The following ACBD6 variants were observed in gnomAD, a reference collection of about 807,000 sequenced individuals.
The protein encoded by ACBD6 is acyl-CoA binding domain containing 6, also known as acyl-CoA-binding domain-containing protein 6.
ACBD6 carries 28 observed loss-of-function variants against 37.2 expected under a neutral mutation model. The observed-to-expected ratio is 0.75, with a 90% CI of 0.56 to 1.03. The LOEUF is 1.03. Among genes scored for constraint, ACBD6 ranks in the 50% least tolerant of loss-of-function variants. The pLI is 0.00. For synonymous variants in ACBD6, 113 were observed against 126.8 expected (o/e 0.89, Z 0.73); for missense variants, 340 against 337.4 (o/e 1.01, Z -0.06).
At chr1:180,455,860 A>C (rs1218086561) in intron 3 of ACBD6, among the ~76,000 whole-genome samples, 1 of 152,258 alleles carries the variant, frequency 6.6e-6, no homozygotes, top group Non-Finnish European at 1.5e-5. Context: ...AAATGTATTC[A>C]TAATTAATTC....
intron 3 of ACBD6, among the ~76,000 whole-genome samples, chr1:180,446,025 T>C (rs868543317): frequency 2.0e-5 from 3 of 152,016 alleles, no homozygotes; most frequent in South Asian, 2.1e-4. Flanking sequence ...TTGGGGGGGA[T>C]GGGGTCTCAT....
At chr1:180,279,595 G>A (rs1022371918) in intron 9 of ACBD6, among the ~76,000 whole-genome samples, 1 of 152,110 alleles carries the variant, frequency 6.6e-6, no homozygotes, top group African/African-American at 2.4e-5. Flanking sequence ...ACCATGCCCG[G>A]CCTGTCCAGT....
intron 6 of ACBD6, among the ~76,000 whole-genome samples, chr1:180,325,981 T>C (rs1484272846): frequency 6.6e-6 from 1 of 152,206 alleles, no homozygotes; most frequent in East Asian, 1.9e-4. Context: ...CTGGAGCCAG[T>C]ACAGCACTGG....
intron 6 of ACBD6, among the ~76,000 whole-genome samples, chr1:180,336,656 T>C (rs2149303710): frequency 6.6e-6 from 1 of 150,546 alleles, no homozygotes; most frequent in East Asian, 2.0e-4. Flanking sequence ...AAGAAATAAC[T>C]AAGATCAGAG....
At chr1:180,501,475 G>C (rs1057168914) in intron 1 of ACBD6, among the ~76,000 whole-genome samples, 1 of 152,160 alleles carries the variant, frequency 6.6e-6, no homozygotes, top group African/African-American at 2.4e-5. Context: ...TTACAGGCAT[G>C]CGCCACCACG....
chr1:180,354,708 G>A lies in ACBD6; in HGVS notation c.664-39986C>T, dbSNP rs367662902. On this transcript the variant is annotated intron_variant, in intron 6 of 7. Coordinates refer to ENST00000367595, the MANE Select transcript of ACBD6 (RefSeq NM_032360.4). ...CTGGTTTTAAGGAGAATGAATGACT[G>A]TATTAAAGGGAATAGATTCTCAATA... 2.0e-5 allele frequency among the ~76,000 whole-genome samples: 3 copies of A among 152,242 alleles called. No individual in the cohort carries two copies. In the South Asian group the frequency reaches 6.2e-4, roughly 32 times the overall value.
In ACBD6 at chr1:180,305,696, A is replaced by T. The variant is rs1478043675; in HGVS notation, c.694+8996T>A. Among the ~76,000 whole-genome samples the T allele has an allele frequency of 2.0e-5, 3 of 152,310 alleles. No individual in the cohort carries two copies. In the East Asian group the frequency reaches 5.8e-4, roughly 29 times the overall value. The stretch of plus-strand genomic sequence containing the variant: ...AACCATTGTGGAAGTCAGTGTGGCA[A>T]TTCCTCAGGGATCTAGAACTAGAAA... On this transcript the variant is annotated intron_variant, in intron 7 of 7. Transcript: ENST00000367595.
chr1:180,425,784 G>A lies in ACBD6; in HGVS notation c.467+4396C>T, dbSNP rs181428833. ...TTTTCTCCAATCATATCTCTTTCAGGAAAATTTTAGAGTATAATTTATGCA... is the reference window on the plus strand; with the variant it reads ...TTTTCTCCAATCATATCTCTTTCAGAAAAATTTTAGAGTATAATTTATGCA... On this transcript the variant is annotated intron_variant, in intron 4 of 7. Transcript: ENST00000367595. 5.6e-3 allele frequency among the ~76,000 whole-genome samples: 853 copies of A among 152,088 alleles called. 3 individuals carry two copies. Among genetic ancestry groups the A allele is most frequent in the Non-Finnish European group, 9.8e-3 (664 of 67,998 alleles).
intron 7 of ACBD6, among the ~76,000 whole-genome samples, chr1:180,314,429 G>C (rs1397155296): frequency 6.6e-6 from 1 of 152,108 alleles, no homozygotes; most frequent in Non-Finnish European, 1.5e-5. Flanking sequence ...ATTTTTAGTA[G>C]AGACAGGGTT....
rs1415611385 is a variant in ACBD6, at chr1:180,397,560, G to A, written c.619C>T (p.Leu207=). The change falls in exon 6 of 8, where the codon CTA becomes TTA. Residue 207 remains leucine (L), a synonymous_variant. Transcript: ENST00000367595. The part of the protein sequence containing the change: ...HWACDRGHKE[L]VTVLLQHRAD... ...CTATGTTGCAGCAACACTGTGACTA[G>A]TTCCTTATGTCCTCGATCACAGGCC... The A allele has an allele frequency of 3.1e-6, 5 of 1,614,056 alleles. No individual in the cohort carries two copies. In the South Asian group the frequency reaches 5.5e-5, roughly 18 times the overall value.
chr1:180,451,689 A>G (rs1375273360), intron 3 of ACBD6, among the ~76,000 whole-genome samples: 1 of 152,200 alleles, frequency 6.6e-6, no homozygotes, highest in African/African-American at 2.4e-5. Flanking sequence ...AACAAAAACT[A>G]GATTAATGGT....
At chr1:180,387,750 T>G (rs1653900244) in intron 6 of ACBD6, among the ~76,000 whole-genome samples, 1 of 152,160 alleles carries the variant, frequency 6.6e-6, no homozygotes, top group Admixed American at 6.5e-5. Context: ...TGTTGAAAAG[T>G]TCTGTTCTTT....
At chr1:180,351,813 T>C (rs979080547) in intron 6 of ACBD6, among the ~76,000 whole-genome samples, 2 of 152,134 alleles carry the variant, frequency 1.3e-5, no homozygotes, top group African/African-American at 2.4e-5. Flanking sequence ...CTTTCCAGAA[T>C]TGAAAGCAGG....
At chr1:180,448,592 A>C (rs1649569296) in intron 3 of ACBD6, among the ~76,000 whole-genome samples, 1 of 152,190 alleles carries the variant, frequency 6.6e-6, no homozygotes, top group African/African-American at 2.4e-5. Flanking sequence ...ATACTGGAAG[A>C]AAGTTTTGGC....
At chr1:180,271,287 C>G in exon 14 of ACBD6, 1 of 1,423,766 alleles carries the variant, frequency 7.0e-7, no homozygotes. Context: ...AGCAGGCAGG[C>G]TTAGGTGCAG....
intron 3 of ACBD6, among the ~76,000 whole-genome samples, chr1:180,487,690 TAAGGA>T (rs927072451): frequency 1.3e-5 from 2 of 151,884 alleles, no homozygotes; most frequent in Admixed American, 6.6e-5. Context: ...GTTCTCAACT[TAAGGA>T]AAGAAAAAAA....
chr1:180,335,057 G>C (rs1205304541), intron 6 of ACBD6, among the ~76,000 whole-genome samples: 1 of 152,172 alleles, frequency 6.6e-6, no homozygotes, highest in Non-Finnish European at 1.5e-5. Context: ...AAAGTGATGG[G>C]GAGAAGGGAA....
At chr1:180,424,636 C>T (rs1648510697) in intron 4 of ACBD6, among the ~76,000 whole-genome samples, 1 of 152,066 alleles carries the variant, frequency 6.6e-6, no homozygotes, top group Non-Finnish European at 1.5e-5. Flanking sequence ...CATACATACA[C>T]ACACCAAATT....
At chr1:180,451,362 A>T (rs1023577486) in intron 3 of ACBD6, among the ~76,000 whole-genome samples, 2 of 152,232 alleles carry the variant, frequency 1.3e-5, no homozygotes, top group African/African-American at 4.8e-5. Flanking sequence ...CGATCCAGCA[A>T]TTCCACTCCT....
Sources: allele counts gnomAD v4.1 joint callset (sites outside exome capture counted in the v4.1 genomes callset), GRCh38; gene constraint gnomAD v4.1.1; transcripts MANE v1.5; gene names NCBI Gene and HGNC (gene_info 2026-07-23, HGNC 2026-07-21).